RGS6: variants seen among roughly 807,000 people sequenced by gnomAD.
The protein encoded by RGS6 is regulator of G protein signaling 6, also known as regulator of G-protein signaling 6.
A neutral mutation model predicts 78.5 loss-of-function variants in RGS6; 30 were observed. That is an observed-to-expected ratio of 0.38 (90% confidence interval 0.29 to 0.52). The LOEUF is 0.52. Ranked by LOEUF, RGS6 falls within the 20% of genes least tolerant of loss-of-function variation. The probability of loss-of-function intolerance (pLI) is 0.85; values close to 1 mark genes in which losing one functional copy is unlikely to be tolerated. For missense variants in RGS6, 495 were observed against 609.7 expected (o/e 0.81, Z 1.98); for synonymous variants, 206 against 206.0 (o/e 1.00, Z 0.00).
intron 15 of RGS6, among the ~76,000 whole-genome samples, chr14:72,534,168 A>G (rs1037028832): frequency 2.0e-5 from 3 of 152,240 alleles, no homozygotes; most frequent in African/African-American, 7.2e-5. Flanking sequence ...GTATCCAACA[A>G]TGTCAAGACA....
At chr14:71,973,886 A>C (rs1190101424) in intron 2 of RGS6, among the ~76,000 whole-genome samples, 2 of 152,216 alleles carry the variant, frequency 1.3e-5, no homozygotes, top group Admixed American at 6.5e-5. Flanking sequence ...ACAGGCATGC[A>C]GGCAAGTCCC....
chr14:72,349,444 G>A (rs907268630), intron 2 of RGS6, among the ~76,000 whole-genome samples: 6 of 152,240 alleles, frequency 3.9e-5, no homozygotes, highest in Non-Finnish European at 5.9e-5. Flanking sequence ...GGCCAAACCC[G>A]AAAGGGAAAA....
chr14:71,898,187 A>G, the RGS6 span, among the ~76,000 whole-genome samples: 134 of 152,264 alleles, frequency 8.8e-4, no homozygotes, highest in African/African-American at 3.0e-3. Flanking sequence ...ATTGTTATTA[A>G]CTACAGTCAC....
At chr14:71,919,346 T>C in the RGS6 span, among the ~76,000 whole-genome samples, 59 of 152,276 alleles carry the variant, frequency 3.9e-4, no homozygotes, top group Non-Finnish European at 6.0e-4. Flanking sequence ...TAGTTACCCA[T>C]AAAGCTAGTT....
At chr14:72,144,398 C>T (rs530457697) in intron 2 of RGS6, among the ~76,000 whole-genome samples, 2 of 152,180 alleles carry the variant, frequency 1.3e-5, no homozygotes, top group Non-Finnish European at 2.9e-5. Flanking sequence ...ATGAATGTTA[C>T]CCTGTCCCTA....
chr14:72,076,826 C>A (rs2094589858), intron 2 of RGS6, among the ~76,000 whole-genome samples: 1 of 151,944 alleles, frequency 6.6e-6, no homozygotes, highest in South Asian at 2.1e-4. Flanking sequence ...ACCACTGGGC[C>A]TGGCCTATGT....
intron 2 of RGS6, among the ~76,000 whole-genome samples, chr14:72,346,434 C>A (rs2078064435): frequency 1.3e-5 from 2 of 152,148 alleles, no homozygotes; most frequent in African/African-American, 4.8e-5. Flanking sequence ...GCTATCTGCC[C>A]AACACAGTTT....
At chr14:72,488,315 A>C (rs2239272) in intron 12 of RGS6, among the ~76,000 whole-genome samples, 51,564 of 151,996 alleles carry the variant, frequency 0.34, 9,082 homozygotes, top group East Asian at 0.64. Context: ...CCTTTTTTAG[A>C]GAAGGCATGA....
chr14:72,082,888 C>T (rs2094882767), intron 2 of RGS6, among the ~76,000 whole-genome samples: 1 of 151,962 alleles, frequency 6.6e-6, no homozygotes, highest in Non-Finnish European at 1.5e-5. Flanking sequence ...TACAAAAAAC[C>T]CCAACTCAAA....
the RGS6 span, among the ~76,000 whole-genome samples, chr14:72,611,303 A>G: frequency 6.6e-6 from 1 of 152,244 alleles, no homozygotes; most frequent in African/African-American, 2.4e-5. Flanking sequence ...TTTATTCCTA[A>G]TGCTGTCAAC....
intron 2 of RGS6, among the ~76,000 whole-genome samples, chr14:72,322,546 A>T (rs1437133261): frequency 6.6e-6 from 1 of 152,088 alleles, no homozygotes; most frequent in Non-Finnish European, 1.5e-5. Context: ...TATTTTTCTG[A>T]AGCTAGCATG....
chr14:72,011,479 C>T (rs1213996378), intron 2 of RGS6, among the ~76,000 whole-genome samples: 1 of 151,826 alleles, frequency 6.6e-6, no homozygotes, highest in Non-Finnish European at 1.5e-5. Context: ...GAATTAGGTT[C>T]TATGAGTGGA....
chr14:72,252,415 C>T (rs2056031905), intron 2 of RGS6, among the ~76,000 whole-genome samples: 1 of 152,168 alleles, frequency 6.6e-6, no homozygotes, highest in East Asian at 1.9e-4. Flanking sequence ...TACAGATTAA[C>T]AGATGATTAC....
chr14:72,138,335 T>C (rs1159136645), intron 2 of RGS6, among the ~76,000 whole-genome samples: 1 of 151,648 alleles, frequency 6.6e-6, no homozygotes, highest in Non-Finnish European at 1.5e-5. Flanking sequence ...GAAATGAACA[T>C]CATGAGCGCA....
the RGS6 span, among the ~76,000 whole-genome samples, chr14:71,910,200 CA>C: frequency 4.3e-5 from 3 of 70,128 alleles, no homozygotes; most frequent in African/African-American, 1.8e-4. Flanking sequence ...AAAACAAAAA[CA>C]AAAACAAAAC....
At chr14:72,326,249 A>G (rs1023957014) in intron 2 of RGS6, among the ~76,000 whole-genome samples, 5 of 152,344 alleles carry the variant, frequency 3.3e-5, no homozygotes, top group Non-Finnish European at 5.9e-5. Flanking sequence ...CTAAGAAAAC[A>G]AAGTGCTGAC....
intron 2 of RGS6, among the ~76,000 whole-genome samples, chr14:71,971,906 GTTTTTTTTTTTTT>G (rs57854685): frequency 9.6e-6 from 1 of 104,448 alleles, no homozygotes. Context: ...AATATGGCAG[GTTTTTTTTTTTTT>G]TTTTTTTTTT....
chr14:72,074,352 T>C (rs147427645), intron 2 of RGS6, among the ~76,000 whole-genome samples: 2 of 152,250 alleles, frequency 1.3e-5, no homozygotes, highest in East Asian at 1.9e-4. Context: ...CTTGCCACCA[T>C]ACCTAGCTGA....
chr14:71,945,726 G>A (rs2091410907), intron 1 of RGS6, among the ~76,000 whole-genome samples: 1 of 152,192 alleles, frequency 6.6e-6, no homozygotes, highest in South Asian at 2.1e-4. Context: ...GGTTGGGGTT[G>A]CATTAGGGAC....
Sources: gnomAD v4.1 joint callset for allele counts (sites outside exome capture counted in the v4.1 genomes callset) on GRCh38, gnomAD v4.1.1 for gene constraint, MANE v1.5 for transcripts, NCBI Gene and HGNC (gene_info 2026-07-23, HGNC 2026-07-21) for gene names.